The following SHANK2 variants were observed in gnomAD, a reference collection of about 807,000 sequenced individuals.
SHANK2 encodes the protein SH3 and multiple ankyrin repeat domains protein 2.
Under a neutral mutation model 133.7 loss-of-function variants are expected in SHANK2, and 43 were observed. The ratio of observed to expected loss-of-function variants is 0.32; its 90% CI spans 0.25 to 0.41. The LOEUF (loss-of-function observed/expected upper bound fraction) is 0.41, where lower values mean the gene tolerates loss of function less well. SHANK2 is among the 10% of genes least tolerant of loss of function. SHANK2 has a pLI of 1.00. For synonymous variants in SHANK2, 1,017 were observed against 952.8 expected (o/e 1.07, Z -1.24); for missense variants, 1,994 against 2,235.8 (o/e 0.89, Z 2.18).
intron 2 of SHANK2, among the ~76,000 whole-genome samples, chr11:71,160,028 G>A (rs562007388): frequency 2.7e-5 from 4 of 150,434 alleles, no homozygotes; most frequent in East Asian, 2.0e-4. Flanking sequence ...AGGACAGAGC[G>A]CTGTGGAAAA....
At chr11:70,723,576 G>T (rs1369104813) in intron 14 of SHANK2, among the ~76,000 whole-genome samples, 2 of 152,220 alleles carry the variant, frequency 1.3e-5, no homozygotes, top group Non-Finnish European at 2.9e-5. Flanking sequence ...AGAAGGCTCA[G>T]CTAAAGCATG....
intron 13 of SHANK2, among the ~76,000 whole-genome samples, chr11:70,805,239 G>A (rs139422806): frequency 2.6e-4 from 40 of 152,212 alleles, no homozygotes; most frequent in African/African-American, 9.1e-4. Context: ...CCCACCCTCC[G>A]ACCCCTGAGC....
At chr11:71,125,743 G>A (rs1257020356) in intron 3 of SHANK2, among the ~76,000 whole-genome samples, 1 of 152,222 alleles carries the variant, frequency 6.6e-6, no homozygotes, top group Non-Finnish European at 1.5e-5. Context: ...ATGTAGACAA[G>A]ACGGTCTTCT....
chr11:70,877,167 T>C (rs1452791476), intron 11 of SHANK2, among the ~76,000 whole-genome samples: 1 of 152,238 alleles, frequency 6.6e-6, no homozygotes, highest in Non-Finnish European at 1.5e-5. Flanking sequence ...TGTTCTGAAT[T>C]ATTTTCCCCT....
At chr11:71,129,297 T>A in intron 3 of SHANK2, among the ~76,000 whole-genome samples, 1 of 152,126 alleles carries the variant, frequency 6.6e-6, no homozygotes, top group East Asian at 1.9e-4. Flanking sequence ...ACTACAGCAA[T>A]GATTCTGGCG....
At chr11:70,637,556 C>G (rs2061120709) in intron 17 of SHANK2, among the ~76,000 whole-genome samples, 1 of 152,118 alleles carries the variant, frequency 6.6e-6, no homozygotes, top group South Asian at 2.1e-4. Flanking sequence ...AGACCTCCCC[C>G]CACCAACCCA....
At position 70,487,425 on chromosome 11, in the gene SHANK2, C is replaced by T. The variant is rs2058826715; in HGVS notation, c.2868G>A (p.Leu956=). ...REKGMYFRRE[L]DRYSLDSEDL... The stretch of plus-strand genomic sequence containing the variant: ...CTTCAGAGTCCAAGGAGTAGCGGTC[C>T]AGCTCTCTCCTGAAGTACATCCCCT... Residue 956 remains leucine (L), a synonymous_variant, in exon 25 of 26, where the codon CTG becomes CTA. Coordinates refer to ENST00000601538, the MANE Select transcript of SHANK2 (RefSeq NM_012309.5). The surrounding 1 kb of genome is among the most constrained non-coding windows in gnomAD (Gnocchi z 5.8). 6.2e-7 allele frequency: 1 copy of T among 1,614,122 alleles called. No individual in the cohort carries two copies. The highest frequency in any genetic ancestry group is 8.5e-7 in the Non-Finnish European group (1 of 1,180,026).
chr11:71,114,729 C>T (rs112014858), intron 4 of SHANK2, among the ~76,000 whole-genome samples: 4 of 152,110 alleles, frequency 2.6e-5, no homozygotes, highest in South Asian at 4.2e-4. Context: ...AGGTTCTGTG[C>T]GTCCATGCCC....
intron 6 of SHANK2, among the ~76,000 whole-genome samples, chr11:71,101,207 T>C (rs1555096586): frequency 6.6e-6 from 1 of 152,172 alleles, no homozygotes. Flanking sequence ...AAAACTGGGC[T>C]CTGTCCCCGA....
At chr11:71,210,545 C>T (rs1555118764) in intron 2 of SHANK2, among the ~76,000 whole-genome samples, 1 of 151,920 alleles carries the variant, frequency 6.6e-6, no homozygotes, top group East Asian at 1.9e-4. Context: ...CCACCATGCC[C>T]AGCCCAGATA....
intron 15 of SHANK2, among the ~76,000 whole-genome samples, chr11:70,680,350 G>C (rs1472817423): frequency 6.6e-6 from 1 of 152,172 alleles, no homozygotes; most frequent in Non-Finnish European, 1.5e-5. Context: ...GGTCTCACTG[G>C]GCTAAGACTG....
chr11:70,868,464 C>A (rs1233746807), intron 11 of SHANK2, among the ~76,000 whole-genome samples: 1 of 152,236 alleles, frequency 6.6e-6, no homozygotes, highest in African/African-American at 2.4e-5. Context: ...GGGCACGAGG[C>A]TATTGACTAT....
rs184973434 is a variant in SHANK2 at position 70,595,314 on chromosome 11, C to T, written c.2061+64514G>A. Among the ~76,000 whole-genome samples, 3 of 152,350 alleles carry T rather than the reference C, an allele frequency of 2.0e-5. No individual in the cohort carries two copies. The South Asian group carries it at 6.2e-4, about 32-fold the overall frequency. On this transcript the variant is annotated intron_variant, in intron 17 of 25. Coordinates refer to ENST00000601538, the MANE Select transcript of SHANK2 (RefSeq NM_012309.5). ...GCCAGTGCCACCCTCCAAGCGCCCC[C>T]TCGCAGCCAGCCGAGGCCGCTGCGT... is the stretch of plus-strand genomic sequence containing the variant.
At chr11:71,178,540 A>T (rs1953488416) in intron 2 of SHANK2, among the ~76,000 whole-genome samples, 1 of 152,206 alleles carries the variant, frequency 6.6e-6, no homozygotes, top group Non-Finnish European at 1.5e-5. Flanking sequence ...TGTATTTAAT[A>T]CCACTGAGTC....
At chr11:71,204,763 A>G (rs1555117736) in intron 2 of SHANK2, among the ~76,000 whole-genome samples, 3 of 152,136 alleles carry the variant, frequency 2.0e-5, no homozygotes, top group Non-Finnish European at 4.4e-5. Flanking sequence ...CTGCTAAGTG[A>G]TGAGGGCCAC....
chr11:70,605,492 G>A (rs528418686), intron 17 of SHANK2, among the ~76,000 whole-genome samples: 10 of 152,352 alleles, frequency 6.6e-5, no homozygotes, highest in African/African-American at 2.4e-4. Flanking sequence ...TCACCCTCCA[G>A]CGATTAGCAC....
intron 10 of SHANK2, 29 bp from the exon 11 acceptor site, chr11:70,896,596 G>T (rs1555075750): frequency 1.4e-6 from 1 of 718,334 alleles, no homozygotes; most frequent in Non-Finnish European, 2.6e-6. Context: ...ATTAAGTTAA[G>T]TGTCACCTGC....
At chr11:70,800,171 T>C (rs972458598) in intron 13 of SHANK2, among the ~76,000 whole-genome samples, 3 of 152,144 alleles carry the variant, frequency 2.0e-5, no homozygotes, top group Non-Finnish European at 2.9e-5. Context: ...GACAGGCGTG[T>C]ACCACGACAC....
intron 14 of SHANK2, among the ~76,000 whole-genome samples, chr11:70,729,703 A>AT (rs1157075421): frequency 2.9e-4 from 40 of 139,454 alleles, no homozygotes; most frequent in South Asian, 1.1e-3. Flanking sequence ...TTTTTTTTGT[A>AT]TTTTTTTTTT....
Sources: allele counts gnomAD v4.1 joint callset (sites outside exome capture counted in the v4.1 genomes callset), GRCh38; gene constraint gnomAD v4.1.1; non-coding constraint Gnocchi (gnomAD v3.1); transcripts MANE v1.5; gene names NCBI Gene and HGNC (gene_info 2026-07-23, HGNC 2026-07-21).